SCN9A: variants seen among roughly 807,000 people sequenced by gnomAD.
The protein encoded by SCN9A is sodium voltage-gated channel alpha subunit 9, also known as sodium channel protein type 9 subunit alpha.
In SCN9A, 131 loss-of-function variants were observed where a neutral mutation model predicts 187.0. The ratio of observed to expected loss-of-function variants is 0.70; its 90% CI spans 0.61 to 0.81. The LOEUF (loss-of-function observed/expected upper bound fraction) is 0.81. Ranked by LOEUF, SCN9A falls within the 30% of genes least tolerant of loss-of-function variation. The probability of loss-of-function intolerance (pLI) is 0.00; values close to 1 mark genes in which losing one functional copy is unlikely to be tolerated. For missense variants in SCN9A, 2,252 were observed against 2,396.6 expected, an observed-to-expected ratio of 0.94 and a Z score of 1.26; for synonymous variants, 809 against 808.6, an observed-to-expected ratio of 1.00 and a Z score of -0.01.
chr2:166,198,721 C>A lies in SCN9A; in HGVS notation c.5918G>T (p.Arg1973Ile), dbSNP rs771903438. ...TTTCCCTTTGTCTTCCTTTTCTGTT[C>A]TGTCTTGTTCATATTTCTCTTTGTC... is the stretch of plus-strand genomic sequence containing the variant. ...KPDKEKYEQD[R>I]TEKEDKGKDS... Residue 1973 changes from arginine (R) to isoleucine (I), a missense_variant, in exon 27 of 27, where the codon AGA (arginine) becomes ATA (isoleucine). Physicochemically the swap from Arg to Ile is moderately conservative, Grantham distance 97. Coordinates refer to ENST00000642356, the MANE Select transcript of SCN9A (RefSeq NM_001365536.1). 1.2e-6 allele frequency: 2 copies of A among 1,612,278 alleles called. No homozygotes were observed. Among genetic ancestry groups the A allele is most frequent in the Non-Finnish European group, 1.7e-6 (2 of 1,179,252 alleles).
chr2:166,374,987 A>G (rs553594673), intron 1 of SCN9A, among the ~76,000 whole-genome samples: 2 of 152,170 alleles, frequency 1.3e-5, no homozygotes, highest in African/African-American at 4.8e-5. Flanking sequence ...TAATGTTTCT[A>G]GTTTCTTGTT....
intron 7 of SCN9A, 112 bp from the exon 8 acceptor site, chr2:166,294,774 C>T (rs1698227124): frequency 1.7e-6 from 1 of 582,762 alleles, no homozygotes; most frequent in Non-Finnish European, 2.9e-6. Flanking sequence ...AGGCCTGGTC[C>T]CAGGCAATAT....
At chr2:166,239,825 A>G (rs553822327) in intron 19 of SCN9A, among the ~76,000 whole-genome samples, 1 of 152,130 alleles carries the variant, frequency 6.6e-6, no homozygotes, top group South Asian at 2.1e-4. Flanking sequence ...GATGATGAGA[A>G]CCTCTCTCTG....
chr2:166,204,375 T>A lies in SCN9A; in HGVS notation c.4488A>T (p.Pro1496=). The A allele has an allele frequency of 6.2e-7, 1 of 1,608,584 alleles. No homozygotes were observed. The highest frequency in any genetic ancestry group is 8.5e-7 in the Non-Finnish European group (1 of 1,176,892). The change falls in exon 25 of 27, where the codon CCA becomes CCT. Residue 1496 remains proline (P), a synonymous_variant. Coordinates refer to ENST00000642356, the MANE Select transcript of SCN9A (RefSeq NM_001365536.1). ...ATTTTTTTACCCCTGGTCGAGGAAT[T>A]GGCTTTTGTGGCTTCTTGGACCCCA... ...KKLGSKKPQK[P]IPRPGNKIQG...
intron 1 of SCN9A, among the ~76,000 whole-genome samples, chr2:166,318,575 A>T (rs1030801712): frequency 1.3e-4 from 15 of 113,132 alleles, no homozygotes; most frequent in African/African-American, 4.8e-4. Context: ...ATCTTTTATT[A>T]AAAAAAAAAA....
chr2:166,349,187 C>G (rs1234863379), intron 1 of SCN9A, among the ~76,000 whole-genome samples: 1 of 152,040 alleles, frequency 6.6e-6, no homozygotes, highest in Non-Finnish European at 1.5e-5. Flanking sequence ...TTGACATAAT[C>G]ACCCTCCCCC....
At chr2:166,367,001 C>T (rs1033696829) in intron 1 of SCN9A, among the ~76,000 whole-genome samples, 6 of 152,154 alleles carry the variant, frequency 3.9e-5, no homozygotes, top group Admixed American at 2.0e-4. Flanking sequence ...ATTGAGTCTT[C>T]ATGACAATAA....
At chr2:166,347,551 T>C (rs1699931106) in intron 1 of SCN9A, among the ~76,000 whole-genome samples, 1 of 152,118 alleles carries the variant, frequency 6.6e-6, no homozygotes, top group African/African-American at 2.4e-5. Flanking sequence ...GGACCCCTGG[T>C]TGGGGAGGAA....
In SCN9A at chr2:166,306,492, G is replaced by A. The variant is rs1698760889; in HGVS notation, c.467+18C>T. ...GATAATACCAAAACTATATTAAAAT[G>A]TACTTATACCCACTTACTCGACATT... On this transcript the variant is annotated intron_variant, in intron 4 of 26. Coordinates refer to ENST00000642356, the MANE Select transcript of SCN9A (RefSeq NM_001365536.1). 3.1e-6 allele frequency: 4 copies of A among 1,309,150 alleles called. No individual in the cohort carries two copies. The East Asian group carries it at 9.8e-5, about 32-fold the overall frequency. The allele number at this position is 1,309,150 out of a possible 1,614,324, so 81.1% of individuals were successfully genotyped here.
At chr2:166,301,395 GT>G (rs1698551858) in intron 7 of SCN9A, 1 of 150,824 alleles carries the variant, frequency 6.6e-6, no homozygotes, top group Non-Finnish European at 1.5e-5. Context: ...CAATCAAGCT[GT>G]TTTTGTGCGT....
intron 24 of SCN9A, among the ~76,000 whole-genome samples, chr2:166,223,450 T>C (rs1029425490): frequency 2.0e-5 from 3 of 152,180 alleles, no homozygotes; most frequent in South Asian, 4.1e-4. Flanking sequence ...TGAATGAACC[T>C]GGATAAATTT....
chr2:166,359,747 T>C (rs1700232918), intron 1 of SCN9A, among the ~76,000 whole-genome samples: 1 of 138,920 alleles, frequency 7.2e-6, no homozygotes, highest in African/African-American at 2.8e-5. Flanking sequence ...TATGCGATAA[T>C]TTTATATTCA....
chr2:166,338,804 G>T (rs1699694531), intron 1 of SCN9A, among the ~76,000 whole-genome samples: 1 of 152,018 alleles, frequency 6.6e-6, no homozygotes, highest in Admixed American at 6.6e-5. Flanking sequence ...CTCAACTTGG[G>T]TTCACTGAAT....
rs201129663 is a variant in SCN9A, at chr2:166,204,067, A to G, written c.4662T>C (p.Phe1554=). 2 of 1,612,330 alleles carry G rather than the reference A, an allele frequency of 1.2e-6. No individual in the cohort carries two copies. The highest frequency in any genetic ancestry group is 1.1e-5 in the South Asian group (1 of 91,038). ...CACATTCTCCAGTGAAAAGGATTAT[A>G]AAAACCACATTTATCCAATATAAAA... The part of the protein sequence containing the change: ...TEVLYWINVV[F]IILFTGECVL... Residue 1554 remains phenylalanine, a synonymous_variant, in exon 26 of 27, where the codon TTT becomes TTC. Transcript: ENST00000642356.
At chr2:166,355,107 T>G (rs1050870985) in intron 1 of SCN9A, among the ~76,000 whole-genome samples, 24 of 151,644 alleles carry the variant, frequency 1.6e-4, no homozygotes, top group Non-Finnish European at 2.7e-4. Context: ...CTGGCTAATT[T>G]TTTTTTTTAA....
intron 17 of SCN9A, among the ~76,000 whole-genome samples, chr2:166,263,240 C>G (rs1014696099): frequency 6.6e-6 from 1 of 151,968 alleles, no homozygotes; most frequent in African/African-American, 2.4e-5. Flanking sequence ...AGTTCAACTT[C>G]TCTCTCTGCC....
At chr2:166,332,775 A>G (rs530342843) in intron 1 of SCN9A, among the ~76,000 whole-genome samples, 1 of 152,108 alleles carries the variant, frequency 6.6e-6, no homozygotes, top group South Asian at 2.1e-4. Context: ...TATCTTCTAC[A>G]CTATTATTCT....
At chr2:166,320,053 A>T (rs1291842118) in intron 1 of SCN9A, among the ~76,000 whole-genome samples, 1 of 152,198 alleles carries the variant, frequency 6.6e-6, no homozygotes, top group Non-Finnish European at 1.5e-5. Flanking sequence ...CCTCATTTTC[A>T]AATTAGAAAG....
chr2:166,241,369 C>T (rs1385459979), intron 19 of SCN9A, among the ~76,000 whole-genome samples: 1 of 152,106 alleles, frequency 6.6e-6, no homozygotes, highest in Non-Finnish European at 1.5e-5. Flanking sequence ...ATGGAAGCTG[C>T]TTGTATGTGT....
Sources: allele counts gnomAD v4.1 joint callset (sites outside exome capture counted in the v4.1 genomes callset), GRCh38; gene constraint gnomAD v4.1.1; transcripts MANE v1.5; gene names NCBI Gene and HGNC (gene_info 2026-07-23, HGNC 2026-07-21).